The following EPC2 variants were observed in gnomAD, a reference collection of about 807,000 sequenced individuals.
EPC2 encodes the protein enhancer of polycomb homolog 2.
EPC2 carries 14 observed loss-of-function variants against 92.1 expected under a neutral mutation model. The observed-to-expected ratio is 0.15, with a 90% CI of 0.10 to 0.24. The LOEUF (loss-of-function observed/expected upper bound fraction) is 0.24, where lower values mean the gene tolerates loss of function less well. EPC2 is among the 10% of genes least tolerant of loss of function. The pLI, the probability that EPC2 is intolerant of heterozygous loss-of-function variation, is 1.00. For missense variants in EPC2, 755 were observed against 971.5 expected, an observed-to-expected ratio of 0.78 and a Z score of 2.96; for synonymous variants, 340 against 334.7, an observed-to-expected ratio of 1.02 and a Z score of -0.17.
chr2:148,692,949 A>G (rs1465017452), intron 2 of EPC2: 1 of 152,168 alleles, frequency 6.6e-6, no homozygotes, highest in South Asian at 2.1e-4. Flanking sequence ...CATACTATAC[A>G]GTATCTTACT....
At chr2:148,678,303 C>T (rs1429188191) in intron 1 of EPC2, among the ~76,000 whole-genome samples, 2 of 152,188 alleles carry the variant, frequency 1.3e-5, no homozygotes, top group Non-Finnish European at 2.9e-5. Context: ...AGGTTCTCCA[C>T]GTCCCCACCA....
chr2:148,776,397 C>T (rs894412363), intron 10 of EPC2, among the ~76,000 whole-genome samples: 5 of 152,116 alleles, frequency 3.3e-5, no homozygotes, highest in Non-Finnish European at 7.4e-5. Context: ...TCTTCATTAT[C>T]CTCACATCTG....
intron 4 of EPC2, among the ~76,000 whole-genome samples, chr2:148,756,965 C>T (rs940628588): frequency 4.6e-5 from 7 of 152,086 alleles, no homozygotes; most frequent in Non-Finnish European, 7.3e-5. Context: ...AAGGAGTTGG[C>T]CCTGAGCAGA....
chr2:148,767,145 C>T (rs1400128500), intron 7 of EPC2, among the ~76,000 whole-genome samples: 1 of 151,018 alleles, frequency 6.6e-6, no homozygotes, highest in Admixed American at 6.6e-5. Context: ...TTGCTGTGAG[C>T]CAAGGTTGCA....
chr2:148,658,607 G>GTATATATATATATATATATATATA (rs3076616), intron 1 of EPC2, among the ~76,000 whole-genome samples: 1 of 141,262 alleles, frequency 7.1e-6, no homozygotes. Flanking sequence ...GTGTGTGTGT[G>GTATATATATATATATATATATATA]TATATATATA....
rs188546230 is a variant in EPC2 at position 148,688,310 on chromosome 2, G to A, written c.154-1904G>A. 3.3e-5 allele frequency among the ~76,000 whole-genome samples: 5 copies of A among 152,038 alleles called. No homozygotes were observed. The East Asian group carries it at 7.8e-4, about 24-fold the overall frequency. On this transcript the variant is annotated intron_variant, in intron 1 of 13. Transcript: ENST00000258484. The stretch of plus-strand genomic sequence containing the variant: ...TCATTCTCAGCAAACTATTGCAAGG[G>A]CAAAAAATCAAACACCACATGTGCT...
At position 148,737,567 on chromosome 2, in the gene EPC2, G is replaced by A. The variant is rs145030113; in HGVS notation, c.314-6055G>A. 9.2e-5 allele frequency among the ~76,000 whole-genome samples: 14 copies of A among 152,170 alleles called. No individual in the cohort carries two copies. The East Asian group carries it at 2.7e-3, about 29-fold the overall frequency. ...GTATGGAGCTTTGTACTTGCCCTCA[G>A]CGTGCCTAGTGCTTCAGAGTCCACA... On this transcript the variant is annotated intron_variant, in intron 2 of 13. Coordinates refer to ENST00000258484, the MANE Select transcript of EPC2 (RefSeq NM_015630.4).
chr2:148,648,237 TC>T (rs1683847093), intron 1 of EPC2, among the ~76,000 whole-genome samples: 1 of 151,566 alleles, frequency 6.6e-6, no homozygotes, highest in South Asian at 2.1e-4. Context: ...TATTAGTTTT[TC>T]TTTTTCTTTC....
chr2:148,753,758 CTAAT>C, intron 3 of EPC2, 165 bp from the exon 4 acceptor site: 1 of 577,682 alleles, frequency 1.7e-6, no homozygotes, highest in Non-Finnish European at 3.0e-6. Flanking sequence ...GATAAATCTC[CTAAT>C]TAATGATTCC....
At chr2:148,769,120 A>G (rs754821394) in intron 7 of EPC2, 31 bp from the exon 8 acceptor site, 2 of 1,467,238 alleles carry the variant, frequency 1.4e-6, no homozygotes, top group East Asian at 2.3e-5. Flanking sequence ...GACTTTTGAT[A>G]ACTTCTAAAT....
At position 148,786,822 on chromosome 2, in the gene EPC2, A is replaced by AT. The variant is rs1447461890; in HGVS notation, c.*452dup. 6.5e-6 allele frequency: 1 copy of AT among 152,934 alleles called. No homozygotes were observed. Among genetic ancestry groups the AT allele is most frequent in the Non-Finnish European group, 1.5e-5 (1 of 68,292 alleles). 9.5% of individuals were successfully genotyped at this position (152,934 alleles called of 1,614,324 possible). A position where few individuals can be genotyped will look rare whatever the true frequency, so the allele number is the denominator to read the frequency against. ...ATAGCTAGGAAATGAAATTCTTGTA[A>AT]TTTTTTTCTAAAGGAACTGTAAAGT... On this transcript the variant is annotated 3_prime_UTR_variant, in exon 14 of 14. Transcript: ENST00000258484.
intron 1 of EPC2, among the ~76,000 whole-genome samples, chr2:148,681,864 TCCCCCTA>T (rs1193951181): frequency 2.0e-5 from 3 of 152,076 alleles, no homozygotes; most frequent in African/African-American, 4.8e-5. Flanking sequence ...ATGCTATCCC[TCCCCCTA>T]CCCCCTACCC....
Position 148,770,864 on chromosome 2 carries a change from C to T in EPC2, c.1303C>T (p.His435Tyr). 1 of 1,613,866 alleles carries T rather than the reference C, an allele frequency of 6.2e-7. No individual in the cohort carries two copies. Among genetic ancestry groups the T allele is most frequent in the African/African-American group, 1.3e-5 (1 of 75,026 alleles). The change falls in exon 9 of 14, where the codon CAT becomes TAT. Residue 435 changes from histidine (H) to tyrosine (Y), a missense_variant. Physicochemically the swap from His to Tyr is moderately conservative, Grantham distance 83. Around this residue, in one of 4 missense-constraint regions of EPC2, gnomAD observed 509 missense variants for 607.7 expected, o/e 0.84. Transcript: ENST00000258484. ...AGATTTGGATAAGTTGAGGTATAGG[C>T]ATTGCCTTACAACACTTACAGTCCC... ...LADLDKLRYR[H>Y]CLTTLTVPRR... is the part of the protein sequence containing the mutation.
chr2:148,694,930 G>A (rs1282725691), intron 2 of EPC2, among the ~76,000 whole-genome samples: 1 of 152,060 alleles, frequency 6.6e-6, no homozygotes, highest in African/African-American at 2.4e-5. Context: ...GTGCCACCAC[G>A]CCCGGCTAAT....
chr2:148,768,254 G>A (rs993450074), intron 7 of EPC2, among the ~76,000 whole-genome samples: 6 of 152,156 alleles, frequency 3.9e-5, no homozygotes, highest in Admixed American at 6.5e-5. Flanking sequence ...TGAAACTTAA[G>A]TACCAAAACT....
chr2:148,691,971 G>C, intron 2 of EPC2: 1 of 367,370 alleles, frequency 2.7e-6, no homozygotes, highest in South Asian at 2.2e-5. Context: ...TCTTTTAATT[G>C]ATGGCAGTTT....
At chr2:148,757,693 T>C (rs1034489521) in intron 4 of EPC2, among the ~76,000 whole-genome samples, 3 of 151,770 alleles carry the variant, frequency 2.0e-5, no homozygotes, top group African/African-American at 7.3e-5. Flanking sequence ...CAAAATTAGC[T>C]GGATGTGGTG....
intron 7 of EPC2, among the ~76,000 whole-genome samples, chr2:148,768,123 A>G (rs1683451393): frequency 6.6e-6 from 1 of 152,086 alleles, no homozygotes; most frequent in Non-Finnish European, 1.5e-5. Context: ...TGGAGAAAAC[A>G]TTTTTCCTCT....
At chr2:148,662,426 A>G (rs1680956425) in intron 1 of EPC2, among the ~76,000 whole-genome samples, 1 of 152,254 alleles carries the variant, frequency 6.6e-6, no homozygotes, top group African/African-American at 2.4e-5. Flanking sequence ...CCAAACGTCC[A>G]ACAACGATAG....
Sources: gnomAD v4.1 joint callset for allele counts (sites outside exome capture counted in the v4.1 genomes callset) on GRCh38, gnomAD v4.1.1 for gene constraint, gnomAD v4.1.1 regional missense constraint, MANE v1.5 for transcripts, NCBI Gene and HGNC (gene_info 2026-07-23, HGNC 2026-07-21) for gene names.